The following BID variants were observed in gnomAD, a reference collection of about 807,000 sequenced individuals.
The protein encoded by BID is BH3-interacting domain death agonist.
BID carries 19 observed loss-of-function variants against 17.4 expected under a neutral mutation model. The ratio of observed to expected loss-of-function variants is 1.09; its 90% CI spans 0.76 to 1.60. The LOEUF is 1.60. Ranked by LOEUF, BID falls within the 40% of genes most tolerant of loss-of-function variation. The pLI is 0.00. For missense variants in BID, 226 were observed against 256.0 expected (o/e 0.88, Z 0.80); for synonymous variants, 108 against 102.8 (o/e 1.05, Z -0.31).
chr22:17,764,836 T>C (rs1259097377), intron 1 of BID, among the ~76,000 whole-genome samples: 1 of 152,180 alleles, frequency 6.6e-6, no homozygotes, highest in Non-Finnish European at 1.5e-5. Flanking sequence ...GGAATGGAAC[T>C]TTCATCCCCA....
At chr22:17,764,543 G>C (rs188908156) in intron 1 of BID, among the ~76,000 whole-genome samples, 2 of 152,230 alleles carry the variant, frequency 1.3e-5, no homozygotes, top group Middle Eastern at 3.2e-3. Context: ...ACAGTGAATC[G>C]GATGAAGCTT....
intron 1 of BID, 22 bp from the exon 2 acceptor site, chr22:17,750,196 G>C (rs1180902391): frequency 1.9e-6 from 3 of 1,601,846 alleles, no homozygotes; most frequent in South Asian, 2.2e-5. Flanking sequence ...CACACAGAGT[G>C]GGCGGCCGCT....
intron 5 of BID, 64 bp from the exon 6 acceptor site, chr22:17,735,655 C>T (rs2061413908): frequency 6.3e-7 from 1 of 1,598,810 alleles, no homozygotes; most frequent in South Asian, 1.1e-5. Context: ...GGCTCCAGAG[C>T]TCTGTGCCAC....
Position 17,743,983 on chromosome 22 carries a change from A to T in BID, c.43T>A (p.Cys15Ser). ...VNNGSSLRDE[C>S]ITNLLVFGFL... Reference sequence around the variant, plus strand: ...CCAAACACCAGTAGGTTTGTGATGCACTCATCCCTGAGGCTGGAACCGTTG... The same window carrying T: ...CCAAACACCAGTAGGTTTGTGATGCTCTCATCCCTGAGGCTGGAACCGTTG... The change falls in exon 3 of 6, where the codon TGC becomes AGC. Residue 15 changes from cysteine to serine, a missense_variant. Cys to Ser is a moderately radical substitution (Grantham distance 112). Transcript: ENST00000622694. 6.2e-7 allele frequency: 1 copy of T among 1,613,956 alleles called. No individual in the cohort carries two copies. The highest frequency in any genetic ancestry group is 8.5e-7 in the Non-Finnish European group (1 of 1,179,996).
rs925205798 is a variant in BID at position 17,748,049 on chromosome 22, A to G, written c.12+2056T>C. ...CACGGTGAAACCCCGTCTTTACTAA[A>G]ATATAAAAAATTAGCCGGGCGTGGT... On this transcript the variant is annotated intron_variant, in intron 2 of 5. Coordinates refer to ENST00000622694, the MANE Select transcript of BID (RefSeq NM_001196.4). 3.7e-3 allele frequency among the ~76,000 whole-genome samples: 457 copies of G among 124,036 alleles called. No homozygotes were observed. In the Middle Eastern group the frequency reaches 0.048, roughly 13 times the overall value. 81.4% of individuals were successfully genotyped at this position (124,036 alleles called of 152,430 possible).
In BID at chr22:17,773,181, G is replaced by A. The variant is rs2061733353; in HGVS notation, c.-59+1200C>T. On this transcript the variant is annotated intron_variant, in intron 1 of 5. Transcript: ENST00000622694. This position sits in a 1 kb window ranked among gnomAD's most constrained non-coding sequence, Gnocchi z 4.4. ...GCAGGGACGCACACCCTGGGCCGCA[G>A]GCAGAGGCTTGGCCAGGGTCGTCCT... Among the ~76,000 whole-genome samples, 1 of 152,272 alleles carries A rather than the reference G, an allele frequency of 6.6e-6. No individual in the cohort carries two copies. The highest frequency in any genetic ancestry group is 1.5e-5 in the Non-Finnish European group (1 of 68,000).
chr22:17,755,931 G>A (rs986709524), intron 1 of BID, among the ~76,000 whole-genome samples: 7 of 152,042 alleles, frequency 4.6e-5, no homozygotes, highest in African/African-American at 1.7e-4. Context: ...ACAATGGCAC[G>A]ATCTCGGCTC....
chr22:17,763,070 T>C (rs1485800823), intron 1 of BID, among the ~76,000 whole-genome samples: 1 of 151,256 alleles, frequency 6.6e-6, no homozygotes, highest in African/African-American at 2.4e-5. Context: ...AGAGATGAGG[T>C]TTCACCATGT....
chr22:17,768,301 G>A (rs2061693032), intron 1 of BID, among the ~76,000 whole-genome samples: 1 of 152,260 alleles, frequency 6.6e-6, no homozygotes, highest in South Asian at 2.1e-4. Context: ...GCCAGCAGGA[G>A]GAGACATGAG....
intron 1 of BID, among the ~76,000 whole-genome samples, chr22:17,756,932 G>T (rs185832787): frequency 1.7e-4 from 26 of 149,538 alleles, no homozygotes; most frequent in African/African-American, 6.1e-4. Context: ...CCATTACATG[G>T]TGCAGTGAGA....
intron 3 of BID, chr22:17,739,720 G>C: frequency 3.3e-6 from 2 of 598,614 alleles, no homozygotes; most frequent in Non-Finnish European, 2.9e-6. Flanking sequence ...CCAGGCTCCC[G>C]CACACAGGCA....
intron 1 of BID, among the ~76,000 whole-genome samples, chr22:17,758,910 TA>T (rs1490482041): frequency 3.4e-5 from 1 of 29,724 alleles, no homozygotes; most frequent in African/African-American, 2.9e-4. Context: ...ATATCTATTT[TA>T]CCACGATAAA....
Position 17,757,849 on chromosome 22 carries a change from C to T in BID, c.-58-7675G>A, listed in dbSNP as rs1037094055. Among the ~76,000 whole-genome samples, 102 of 152,216 alleles carry T rather than the reference C, an allele frequency of 6.7e-4. 1 individual carries two copies. The highest frequency in any genetic ancestry group is 2.1e-3 in the African/African-American group (89 of 41,450). On this transcript the variant is annotated intron_variant, in intron 1 of 5. Transcript: ENST00000622694. ...AGCAAGGGACTCGGCCGCTGTCACT[C>T]GCGTTTGCCTGGGAGAGGCTCCAAG...
At chr22:17,760,560 C>T (rs1412320314) in intron 1 of BID, among the ~76,000 whole-genome samples, 1 of 151,018 alleles carries the variant, frequency 6.6e-6, no homozygotes, top group Admixed American at 6.6e-5. Flanking sequence ...TTTCCTCTTA[C>T]ATCTAGAAAA....
chr22:17,746,101 T>C (rs2061493436), intron 2 of BID, among the ~76,000 whole-genome samples: 1 of 152,152 alleles, frequency 6.6e-6, no homozygotes, highest in Non-Finnish European at 1.5e-5. Flanking sequence ...GCCATTACCC[T>C]AAGTGAACTA....
At chr22:17,742,470 TC>T (rs1158334746) in intron 3 of BID, among the ~76,000 whole-genome samples, 2 of 121,254 alleles carry the variant, frequency 1.6e-5, no homozygotes, top group African/African-American at 6.6e-5. Context: ...CTCAGACACC[TC>T]CCCCCACCCC....
At chr22:17,740,222 T>C in intron 3 of BID, 1 of 1,552,924 alleles carries the variant, frequency 6.4e-7, no homozygotes, top group East Asian at 2.3e-5. Context: ...TTTTAATCTG[T>C]TTTGTCCACT....
At chr22:17,758,377 T>A (rs1241914535) in intron 1 of BID, among the ~76,000 whole-genome samples, 1 of 152,196 alleles carries the variant, frequency 6.6e-6, no homozygotes, top group Non-Finnish European at 1.5e-5. Context: ...TATTTTAGTT[T>A]GAGAAAAGGC....
intron 1 of BID, among the ~76,000 whole-genome samples, chr22:17,758,143 T>C (rs2145906609): frequency 6.6e-6 from 1 of 152,336 alleles, no homozygotes; most frequent in African/African-American, 2.4e-5. Flanking sequence ...GTCTCATATC[T>C]CTTTTATTCA....
Sources: gnomAD v4.1 joint callset for allele counts (sites outside exome capture counted in the v4.1 genomes callset) on GRCh38, gnomAD v4.1.1 for gene constraint, Gnocchi (gnomAD v3.1) non-coding constraint, MANE v1.5 for transcripts, NCBI Gene and HGNC (gene_info 2026-07-23, HGNC 2026-07-21) for gene names.